Variants in RANBP2 observed in about 807,000 individuals in gnomAD.
The protein encoded by RANBP2 is RAN binding protein 2.
Under a neutral mutation model 303.6 loss-of-function variants are expected in RANBP2, and 57 were observed. That is an observed-to-expected ratio of 0.19 (90% CI 0.15 to 0.23). The LOEUF (loss-of-function observed/expected upper bound fraction) is 0.23, where lower values mean the gene tolerates loss of function less well. Ranked by LOEUF, RANBP2 falls within the 10% of genes least tolerant of loss-of-function variation. The pLI, the probability that RANBP2 is intolerant of heterozygous loss-of-function variation, is 1.00. For synonymous variants in RANBP2, 1,167 were observed against 1,301.5 expected (o/e 0.90, Z 2.23); for missense variants, 3,138 against 3,780.8 (o/e 0.83, Z 4.46).
chr2:109,417,825 C>T, the RANBP2 span, among the ~76,000 whole-genome samples: 1 of 152,150 alleles, frequency 6.6e-6, no homozygotes. Flanking sequence ...GGGCTGTAAC[C>T]ACTCAGGGAG....
At chr2:109,261,959 T>A in the RANBP2 span, among the ~76,000 whole-genome samples, 1 of 152,198 alleles carries the variant, frequency 6.6e-6, no homozygotes, top group Non-Finnish European at 1.5e-5. Flanking sequence ...AGCATTCCAC[T>A]TCATTACATC....
the RANBP2 span, among the ~76,000 whole-genome samples, chr2:109,031,064 G>A: frequency 6.6e-6 from 1 of 152,178 alleles, no homozygotes. Flanking sequence ...ACGAGGGGAC[G>A]CCATGTGTGG....
At chr2:109,249,577 T>G in the RANBP2 span, among the ~76,000 whole-genome samples, 4 of 132,938 alleles carry the variant, frequency 3.0e-5, no homozygotes, top group African/African-American at 9.1e-5. Flanking sequence ...CCTTCCTTCC[T>G]TCCTTCCTTT....
chr2:108,855,570 A>G, the RANBP2 span, among the ~76,000 whole-genome samples: 5 of 152,264 alleles, frequency 3.3e-5, no homozygotes, highest in South Asian at 6.2e-4. Flanking sequence ...CTTAATACAC[A>G]TTTATTTACA....
At chr2:109,545,072 G>C in the RANBP2 span, 1 of 985,364 alleles carries the variant, frequency 1.0e-6, no homozygotes, top group Non-Finnish European at 1.2e-6. Context: ...AAGTTGAGTT[G>C]CAATATTCTG....
the RANBP2 span, chr2:109,436,835 A>G: frequency 6.4e-7 from 1 of 1,573,322 alleles, no homozygotes; most frequent in African/African-American, 1.3e-5. Flanking sequence ...CCAGAGGCCC[A>G]CATGGCACGA....
chr2:109,113,393 G>A, the RANBP2 span, among the ~76,000 whole-genome samples: 477 of 152,146 alleles, frequency 3.1e-3, 2 homozygotes, highest in African/African-American at 0.011. Flanking sequence ...TCTCTTTGAA[G>A]CAATTGTGAA....
At chr2:109,689,507 G>A in the RANBP2 span, among the ~76,000 whole-genome samples, 29 of 152,314 alleles carry the variant, frequency 1.9e-4, no homozygotes, top group African/African-American at 7.0e-4. Context: ...TCTGGGGTCA[G>A]CAGGCATAGA....
At chr2:108,741,413 G>A (rs1696076855) in intron 7 of RANBP2, among the ~76,000 whole-genome samples, 1 of 150,660 alleles carries the variant, frequency 6.6e-6, no homozygotes, top group South Asian at 2.1e-4. Context: ...GGCCAGGATG[G>A]TCGCCATCTC....
At chr2:109,382,252 A>G in the RANBP2 span, among the ~76,000 whole-genome samples, 2 of 145,364 alleles carry the variant, frequency 1.4e-5, no homozygotes, top group African/African-American at 2.9e-5. Context: ...TTCCTTAACC[A>G]TAGGGTCTGT....
At chr2:108,851,006 G>C in the RANBP2 span, among the ~76,000 whole-genome samples, 1 of 152,186 alleles carries the variant, frequency 6.6e-6, no homozygotes, top group Non-Finnish European at 1.5e-5. Flanking sequence ...CACACCAGTT[G>C]CAAGTCCGGC....
chr2:109,626,593 G>A, the RANBP2 span, among the ~76,000 whole-genome samples: 1 of 152,178 alleles, frequency 6.6e-6, no homozygotes, highest in Admixed American at 6.5e-5. Context: ...GCCAGTCGAT[G>A]GGGAGGTGAG....
chr2:109,460,580 A>G, the RANBP2 span, among the ~76,000 whole-genome samples: 1 of 152,192 alleles, frequency 6.6e-6, no homozygotes, highest in Non-Finnish European at 1.5e-5. Flanking sequence ...TGCTCCACAG[A>G]ATCCCATCTG....
At chr2:109,144,912 G>A in the RANBP2 span, among the ~76,000 whole-genome samples, 3 of 152,236 alleles carry the variant, frequency 2.0e-5, no homozygotes, top group South Asian at 6.2e-4. Flanking sequence ...GTGCTGGGGC[G>A]GTGTGGACAC....
At chr2:108,992,735 A>G in the RANBP2 span, among the ~76,000 whole-genome samples, 1 of 152,192 alleles carries the variant, frequency 6.6e-6, no homozygotes, top group African/African-American at 2.4e-5. Context: ...GAATAAAATG[A>G]TCACAGTTCT....
the RANBP2 span, among the ~76,000 whole-genome samples, chr2:109,554,142 C>CAATT: frequency 2.6e-5 from 4 of 151,980 alleles, no homozygotes; most frequent in African/African-American, 9.7e-5. Context: ...ACAAGAAGGA[C>CAATT]AATTAATTAC....
chr2:109,688,821 A>T, the RANBP2 span, among the ~76,000 whole-genome samples: 199 of 150,368 alleles, frequency 1.3e-3, no homozygotes, highest in African/African-American at 4.1e-3. Flanking sequence ...TCAATGTAAA[A>T]TTGTTTCCTC....
the RANBP2 span, among the ~76,000 whole-genome samples, chr2:108,855,036 A>G: frequency 6.6e-6 from 1 of 152,198 alleles, no homozygotes; most frequent in Non-Finnish European, 1.5e-5. Flanking sequence ...TTGCCAGGAC[A>G]TTGTTAAAAG....
the RANBP2 span, chr2:108,857,023 T>C: frequency 2.0e-6 from 2 of 980,086 alleles, no homozygotes; most frequent in Middle Eastern, 3.0e-4. Context: ...TTTTCTGTCT[T>C]TATCTTGTCT....
Sources: gnomAD v4.1 joint callset for allele counts (sites outside exome capture counted in the v4.1 genomes callset) on GRCh38, gnomAD v4.1.1 for gene constraint, MANE v1.5 for transcripts, NCBI Gene and HGNC (gene_info 2026-07-23, HGNC 2026-07-21) for gene names.